CNTNAP2: variants seen among roughly 807,000 people sequenced by gnomAD.
CNTNAP2 encodes the protein contactin-associated protein-like 2.
In CNTNAP2, 98 loss-of-function variants were observed where a neutral mutation model predicts 155.2. The observed-to-expected ratio is 0.63, with a 90% CI of 0.54 to 0.75. The LOEUF (loss-of-function observed/expected upper bound fraction) is 0.75. CNTNAP2 is among the 30% of genes least tolerant of loss of function. The pLI, the probability that CNTNAP2 is intolerant of heterozygous loss-of-function variation, is 0.00. For synonymous variants in CNTNAP2, 651 were observed against 631.2 expected (o/e 1.03, Z -0.47); for missense variants, 1,727 against 1,688.1 (o/e 1.02, Z -0.40).
At chr7:146,706,717 G>A (rs1800971637) in intron 1 of CNTNAP2, among the ~76,000 whole-genome samples, 1 of 152,058 alleles carries the variant, frequency 6.6e-6, no homozygotes, top group East Asian at 1.9e-4. Flanking sequence ...GCTCAATGAT[G>A]AGAACACATG....
intron 16 of CNTNAP2, among the ~76,000 whole-genome samples, chr7:148,142,727 C>T (rs1244635870): frequency 6.6e-6 from 1 of 152,168 alleles, no homozygotes; most frequent in Non-Finnish European, 1.5e-5. Context: ...TGCTCCCTCA[C>T]CTGCTGAGAA....
chr7:147,672,862 G>C (rs538844007), intron 13 of CNTNAP2: 1 of 151,906 alleles, frequency 6.6e-6, no homozygotes, highest in East Asian at 1.9e-4. Flanking sequence ...TTTCAAAAAC[G>C]TCTCAAAGCT....
intron 4 of CNTNAP2, among the ~76,000 whole-genome samples, chr7:147,107,800 CATA>C (rs1447821472): frequency 1.3e-5 from 2 of 152,092 alleles, no homozygotes; most frequent in Admixed American, 1.3e-4. Flanking sequence ...ATTTAAGTCT[CATA>C]ATCTGTTTGA....
intron 10 of CNTNAP2, among the ~76,000 whole-genome samples, chr7:147,449,055 C>A (rs1235611512): frequency 6.6e-6 from 1 of 152,144 alleles, no homozygotes; most frequent in Non-Finnish European, 1.5e-5. Flanking sequence ...ACCAAAGGCA[C>A]TTTTCCTTTG....
At chr7:147,979,478 A>G (rs968584691) in intron 15 of CNTNAP2, among the ~76,000 whole-genome samples, 1 of 152,242 alleles carries the variant, frequency 6.6e-6, no homozygotes, top group African/African-American at 2.4e-5. Flanking sequence ...ATTAGCATAT[A>G]AAGGTAAAAT....
At chr7:146,590,404 T>C (rs915149412) in intron 1 of CNTNAP2, among the ~76,000 whole-genome samples, 3 of 152,194 alleles carry the variant, frequency 2.0e-5, no homozygotes, top group Non-Finnish European at 4.4e-5. Context: ...AAGTTTTTAA[T>C]GACAATGATC....
chr7:147,017,073 T>A (rs980508527), intron 3 of CNTNAP2, among the ~76,000 whole-genome samples: 7 of 152,002 alleles, frequency 4.6e-5, no homozygotes, highest in Admixed American at 2.6e-4. Context: ...TTTCCTGACT[T>A]CTCTTTTCTA....
chr7:146,933,653 C>T (rs1315020657), intron 3 of CNTNAP2, among the ~76,000 whole-genome samples: 2 of 147,996 alleles, frequency 1.4e-5, no homozygotes, highest in Non-Finnish European at 3.0e-5. Flanking sequence ...GAACAGGCAA[C>T]CTACAAAATG....
At chr7:147,685,414 A>G (rs1313640759) in intron 13 of CNTNAP2, among the ~76,000 whole-genome samples, 1 of 151,982 alleles carries the variant, frequency 6.6e-6, no homozygotes. Context: ...TATAACTCAG[A>G]GTGTTTGAGA....
chr7:148,194,473 T>C (rs1466064755), intron 18 of CNTNAP2, among the ~76,000 whole-genome samples: 1 of 152,144 alleles, frequency 6.6e-6, no homozygotes, highest in Non-Finnish European at 1.5e-5. Flanking sequence ...TTAGTCAAGG[T>C]TCCCCAGAGA....
At position 147,916,615 on chromosome 7, in the gene CNTNAP2, G is replaced by A. The variant is rs143392039; in HGVS notation, c.2255+12894G>A. Among the ~76,000 whole-genome samples the A allele has an allele frequency of 3.2e-3, 459 of 143,296 alleles. 1 individual carries two copies. Among genetic ancestry groups the A allele is most frequent in the African/African-American group, 0.011 (434 of 38,648 alleles). The allele number at this position is 143,296 out of a possible 152,430, so 94.0% of individuals were successfully genotyped here. A position where few individuals can be genotyped will look rare whatever the true frequency, so the allele number is the denominator to read the frequency against. On this transcript the variant is annotated intron_variant, in intron 14 of 23. Transcript: ENST00000361727. ...TGAAAAAAAAAAAAAAAAATACAGT[G>A]TATTTCCCATTAGTATTTCTCTCCA...
chr7:147,420,336 A>C (rs1372418946), intron 10 of CNTNAP2, among the ~76,000 whole-genome samples: 1 of 152,222 alleles, frequency 6.6e-6, no homozygotes, highest in African/African-American at 2.4e-5. Context: ...CCAAAAAAGT[A>C]CATCTTGAGT....
At chr7:147,167,274 T>G (rs1410430671) in intron 8 of CNTNAP2, 3 of 395,010 alleles carry the variant, frequency 7.6e-6, no homozygotes, top group South Asian at 7.8e-5. Flanking sequence ...TGGAGTTGAT[T>G]TTTCTTTAAC....
At position 146,136,148 on chromosome 7, in the gene CNTNAP2, C is replaced by CA. The variant is rs202191258; in HGVS notation, c.97+19182dup. ...CATTTCCACACATGAGCAAATGTATCAAAAAAAGTCTAAGAAGATGATCAG... is the reference window on the plus strand; with the variant it reads ...CATTTCCACACATGAGCAAATGTATCAAAAAAAAGTCTAAGAAGATGATCAG... On this transcript the variant is annotated intron_variant, in intron 1 of 23. Transcript: ENST00000361727. Among the ~76,000 whole-genome samples the CA allele has an allele frequency of 5.1e-3, 775 of 152,140 alleles. 5 individuals carry two copies. Among genetic ancestry groups the CA allele is most frequent in the African/African-American group, 0.018 (734 of 41,514 alleles).
chr7:147,775,346 T>TCTGAAGA (rs1563084631), intron 13 of CNTNAP2, among the ~76,000 whole-genome samples: 1 of 37,416 alleles, frequency 2.7e-5, no homozygotes, highest in Non-Finnish European at 4.3e-5. Context: ...TAAATATATA[T>TCTGAAGA]ATTTATATAT....
intron 14 of CNTNAP2, among the ~76,000 whole-genome samples, chr7:147,977,185 C>T (rs1327890561): frequency 6.6e-6 from 1 of 152,124 alleles, no homozygotes; most frequent in Non-Finnish European, 1.5e-5. Flanking sequence ...GTCTTTCCTC[C>T]TTTAGGATGG....
intron 12 of CNTNAP2, among the ~76,000 whole-genome samples, chr7:147,635,805 TA>T (rs2116917735): frequency 6.6e-6 from 1 of 152,294 alleles, no homozygotes; most frequent in Non-Finnish European, 1.5e-5. Context: ...TATGACCCTT[TA>T]AAGAAGACAT....
chr7:146,475,211 T>C (rs909139649), intron 1 of CNTNAP2, among the ~76,000 whole-genome samples: 2 of 152,232 alleles, frequency 1.3e-5, no homozygotes, highest in Non-Finnish European at 2.9e-5. Context: ...GTATGTTTTC[T>C]AGCTGTTCTT....
rs190082852 is a variant in CNTNAP2 at position 146,712,273 on chromosome 7, T to C, written c.98-61998T>C. 3.7e-3 allele frequency among the ~76,000 whole-genome samples: 480 copies of C among 128,762 alleles called. 30 individuals carry two copies. The highest frequency in any genetic ancestry group is 0.015 in the African/African-American group (456 of 30,160). 84.5% of individuals were successfully genotyped at this position (128,762 alleles called of 152,430 possible). A position where few individuals can be genotyped will look rare whatever the true frequency, so the allele number is the denominator to read the frequency against. Reference sequence around the variant, plus strand: ...TACAAATATGTATACATATCTTATGTATACATATATGTATACATATCTTAT... The same window carrying C: ...TACAAATATGTATACATATCTTATGCATACATATATGTATACATATCTTAT... On this transcript the variant is annotated intron_variant, in intron 1 of 23. Transcript: ENST00000361727.
Sources: allele counts gnomAD v4.1 joint callset (sites outside exome capture counted in the v4.1 genomes callset), GRCh38; gene constraint gnomAD v4.1.1; transcripts MANE v1.5; gene names NCBI Gene and HGNC (gene_info 2026-07-23, HGNC 2026-07-21).